VDAC1: variants seen among roughly 807,000 people sequenced by gnomAD.
VDAC1 encodes non-selective voltage-gated ion channel VDAC1.
In VDAC1, 10 loss-of-function variants were observed where a neutral mutation model predicts 34.7. That is an observed-to-expected ratio of 0.29 (90% CI 0.18 to 0.49). The LOEUF is 0.49. VDAC1 is among the 20% of genes least tolerant of loss of function. VDAC1 has a pLI of 0.99. For missense variants in VDAC1, 230 were observed against 347.9 expected, an observed-to-expected ratio of 0.66 and a Z score of 2.69; for synonymous variants, 130 against 136.0, an observed-to-expected ratio of 0.96 and a Z score of 0.30.
intron 5 of VDAC1, among the ~76,000 whole-genome samples, chr5:133,983,157 G>C (rs934338915): frequency 2.6e-5 from 4 of 151,570 alleles, no homozygotes; most frequent in Non-Finnish European, 4.4e-5. Context: ...GCTGAGGCAG[G>C]ACAATCACTT....
At chr5:134,001,480 G>A (rs528281530) in intron 1 of VDAC1, among the ~76,000 whole-genome samples, 1 of 152,204 alleles carries the variant, frequency 6.6e-6, no homozygotes, top group African/African-American at 2.4e-5. Flanking sequence ...ACTTTAGGAG[G>A]CCGAGGCGGG....
chr5:134,085,756 T>G, the VDAC1 span, among the ~76,000 whole-genome samples: 1 of 56,008 alleles, frequency 1.8e-5, no homozygotes, highest in African/African-American at 5.2e-5. Flanking sequence ...AAAAAAAATT[T>G]CATTAGCTGA....
At chr5:134,051,211 C>G in the VDAC1 span, among the ~76,000 whole-genome samples, 1 of 152,190 alleles carries the variant, frequency 6.6e-6, no homozygotes. Context: ...GCCAGGGGGG[C>G]CAGGCCCTAA....
chr5:134,002,931 G>A (rs1186066594), intron 1 of VDAC1, among the ~76,000 whole-genome samples: 2 of 150,102 alleles, frequency 1.3e-5, no homozygotes, highest in East Asian at 2.0e-4. Flanking sequence ...GTGCCACCGC[G>A]CTCCAGACCT....
At chr5:134,085,079 T>C in the VDAC1 span, among the ~76,000 whole-genome samples, 6 of 138,134 alleles carry the variant, frequency 4.3e-5, no homozygotes, top group Admixed American at 4.3e-4. Context: ...TTCTTTTCTT[T>C]TTTTTTTGAG....
intron 5 of VDAC1, chr5:133,989,321 C>T (rs997452405): frequency 2.0e-5 from 3 of 151,676 alleles, no homozygotes; most frequent in East Asian, 1.9e-4. Context: ...TTTAACTACA[C>T]ACTTAAAGAT....
chr5:134,088,985 T>G, the VDAC1 span, among the ~76,000 whole-genome samples: 1 of 152,248 alleles, frequency 6.6e-6, no homozygotes, highest in Non-Finnish European at 1.5e-5. Context: ...TCCTTCATCA[T>G]CATGGCAGCT....
chr5:134,047,557 G>T, the VDAC1 span, among the ~76,000 whole-genome samples: 1 of 152,242 alleles, frequency 6.6e-6, no homozygotes, highest in Non-Finnish European at 1.5e-5. Flanking sequence ...TGGCAGCAGA[G>T]GCTGCAGGGC....
At position 133,972,706 on chromosome 5, in the gene VDAC1, C is replaced by T. The variant is rs1377286906; in HGVS notation, c.*65G>A. The T allele has an allele frequency of 2.7e-6, 3 of 1,110,236 alleles. No individual in the cohort carries two copies. In the African/African-American group the frequency reaches 4.7e-5, roughly 17 times the overall value. The allele number at this position is 1,110,236 out of a possible 1,614,324, so 68.8% of individuals were successfully genotyped here. ...CCCAGACATACAACATTAAAAGATA[C>T]ACTAAATTCTGAAGGTAGCTATGCT... On this transcript the variant is annotated 3_prime_UTR_variant, in exon 9 of 9. Coordinates refer to ENST00000265333, the MANE Select transcript of VDAC1 (RefSeq NM_003374.3).
the VDAC1 span, among the ~76,000 whole-genome samples, chr5:134,095,296 C>T: frequency 2.0e-5 from 3 of 151,822 alleles, no homozygotes; most frequent in African/African-American, 7.3e-5. Flanking sequence ...AGCCTGGGCA[C>T]TACAGGGAGA....
chr5:134,093,199 G>A, the VDAC1 span, among the ~76,000 whole-genome samples: 1 of 152,240 alleles, frequency 6.6e-6, no homozygotes, highest in African/African-American at 2.4e-5. Flanking sequence ...TAGATGTAAA[G>A]AGAACCTCAT....
the VDAC1 span, among the ~76,000 whole-genome samples, chr5:134,098,629 C>A: frequency 2.0e-5 from 3 of 152,238 alleles, no homozygotes; most frequent in Non-Finnish European, 2.9e-5. Context: ...ACCACCAGCT[C>A]CATCTTTATA....
At chr5:134,071,409 A>C in the VDAC1 span, among the ~76,000 whole-genome samples, 1 of 152,278 alleles carries the variant, frequency 6.6e-6, no homozygotes, top group Non-Finnish European at 1.5e-5. This position sits in a 1 kb window ranked among gnomAD's most constrained non-coding sequence, Gnocchi z 4.1. Flanking sequence ...CCAGCTGTGC[A>C]GGTGGCGACA....
At chr5:134,093,953 G>A in the VDAC1 span, among the ~76,000 whole-genome samples, 5 of 152,228 alleles carry the variant, frequency 3.3e-5, no homozygotes, top group Non-Finnish European at 7.3e-5. Flanking sequence ...CCCCAGCTGT[G>A]AGTCTCCTGT....
chr5:133,992,999 G>C lies in VDAC1; in HGVS notation c.14C>G (p.Pro5Arg), dbSNP rs1753164123. MAVP[P>R]TYADLGKSAR... ...AGATTTGCCAAGATCGGCATACGTGGGTGGCACAGCCATCTTCTGCTATGA... is the reference window on the plus strand; with the variant it reads ...AGATTTGCCAAGATCGGCATACGTGCGTGGCACAGCCATCTTCTGCTATGA... Residue 5 changes from proline (P) to arginine (R), a missense_variant, in exon 2 of 9, where the codon CCC becomes CGC. Transcript: ENST00000265333. 6.2e-7 allele frequency: 1 copy of C among 1,612,980 alleles called. No homozygotes were observed. The highest frequency in any genetic ancestry group is 8.5e-7 in the Non-Finnish European group (1 of 1,179,440).
the VDAC1 span, among the ~76,000 whole-genome samples, chr5:134,094,690 C>T: frequency 0.011 from 1,216 of 110,964 alleles, 9 homozygotes; most frequent in Non-Finnish European, 0.015. Flanking sequence ...AGTGAGACTC[C>T]GTCTCAAAAA....
rs1337624631 is a variant in VDAC1 at position 133,995,231 on chromosome 5, C to T, written c.-6-2213G>A. 2.0e-5 allele frequency among the ~76,000 whole-genome samples: 3 copies of T among 152,308 alleles called. No individual in the cohort carries two copies. In the East Asian group the frequency reaches 5.8e-4, roughly 29 times the overall value. On this transcript the variant is annotated intron_variant, in intron 1 of 8. Coordinates refer to ENST00000265333, the MANE Select transcript of VDAC1 (RefSeq NM_003374.3). ...GGACCCCTCCTGGGGCCTCTAGGAG[C>T]TCCGACACGGCCAAGCTCTTTTGGG...
At chr5:133,987,254 G>A (rs1351330505) in intron 5 of VDAC1, among the ~76,000 whole-genome samples, 1 of 152,156 alleles carries the variant, frequency 6.6e-6, no homozygotes, top group Non-Finnish European at 1.5e-5. Flanking sequence ...CCAGCTACTG[G>A]GGAGGCCGAG....
At chr5:134,062,807 A>G in the VDAC1 span, among the ~76,000 whole-genome samples, 1 of 151,476 alleles carries the variant, frequency 6.6e-6, no homozygotes, top group African/African-American at 2.4e-5. Flanking sequence ...TTGTTTTTTT[A>G]GTAGAAATGG....
Sources: allele counts gnomAD v4.1 joint callset (sites outside exome capture counted in the v4.1 genomes callset), GRCh38; gene constraint gnomAD v4.1.1; non-coding constraint Gnocchi (gnomAD v3.1); transcripts MANE v1.5; gene names NCBI Gene and HGNC (gene_info 2026-07-23, HGNC 2026-07-21).